The following DNAH6 variants were observed in gnomAD, a reference collection of about 807,000 sequenced individuals.
The protein encoded by DNAH6 is dynein axonemal heavy chain 6, also known as axonemal beta dynein heavy chain 6.
DNAH6 carries 340 observed loss-of-function variants against 491.4 expected under a neutral mutation model. The observed-to-expected ratio is 0.69, with a 90% CI of 0.63 to 0.76. DNAH6 has a LOEUF of 0.76. Ranked by LOEUF, DNAH6 falls within the 30% of genes least tolerant of loss-of-function variation. DNAH6 has a pLI of 0.00. For synonymous variants in DNAH6, 1,603 were observed against 1,686.1 expected, an observed-to-expected ratio of 0.95 and a Z score of 1.21; for missense variants, 4,443 against 4,972.2, an observed-to-expected ratio of 0.89 and a Z score of 3.20.
At position 84,676,989 on chromosome 2, in the gene DNAH6, AT is replaced by A; in HGVS notation, c.6613-13del. 2.6e-6 allele frequency: 4 copies of A among 1,551,612 alleles called. No individual in the cohort carries two copies. The highest frequency in any genetic ancestry group is 3.5e-6 in the Non-Finnish European group (4 of 1,146,876). ...ATTCTCTGCTGAGTGATCCAAGTGG[AT>A]TTCTCTGCACACAGGATGTAACAAT... On this transcript the variant is annotated splice_polypyrimidine_tract_variant and intron_variant, in intron 40 of 76. Coordinates refer to ENST00000389394, the MANE Select transcript of DNAH6 (RefSeq NM_001370.2).
At chr2:84,776,843 C>A (rs1676173646) in intron 64 of DNAH6, among the ~76,000 whole-genome samples, 1 of 152,124 alleles carries the variant, frequency 6.6e-6, no homozygotes, top group Non-Finnish European at 1.5e-5. Context: ...TGGAACCAAC[C>A]CAAATGTCCA....
intron 64 of DNAH6, among the ~76,000 whole-genome samples, chr2:84,778,431 G>A (rs1029497462): frequency 3.3e-5 from 5 of 150,982 alleles, no homozygotes; most frequent in Admixed American, 6.6e-5. Context: ...GTTTGTTCTT[G>A]TTTTTCTAGT....
intron 64 of DNAH6, among the ~76,000 whole-genome samples, chr2:84,770,454 C>T (rs1675498004): frequency 6.6e-6 from 1 of 151,764 alleles, no homozygotes. Flanking sequence ...GAAACATGAA[C>T]AAATAACTAA....
At chr2:84,643,698 T>C (rs556056159) in intron 33 of DNAH6, among the ~76,000 whole-genome samples, 7 of 152,308 alleles carry the variant, frequency 4.6e-5, no homozygotes, top group African/African-American at 1.7e-4. Flanking sequence ...AGTGTGCTGG[T>C]TTTTATAATT....
At chr2:84,667,202 T>A (rs1195907556) in intron 37 of DNAH6, among the ~76,000 whole-genome samples, 4 of 152,118 alleles carry the variant, frequency 2.6e-5, no homozygotes, top group South Asian at 2.1e-4. Context: ...GGACTTCATG[T>A]CTAAAACACC....
chr2:84,688,174 G>T (rs1255647249), intron 44 of DNAH6, among the ~76,000 whole-genome samples: 4 of 151,228 alleles, frequency 2.6e-5, no homozygotes, highest in South Asian at 2.1e-4. Context: ...GGCGAAGGTT[G>T]TGGTGAGCTG....
At chr2:84,689,440 C>T (rs953161192) in intron 45 of DNAH6, among the ~76,000 whole-genome samples, 8 of 152,124 alleles carry the variant, frequency 5.3e-5, no homozygotes, top group African/African-American at 1.7e-4. Context: ...ATCAGACCGC[C>T]GCTGGAGTGC....
intron 29 of DNAH6, among the ~76,000 whole-genome samples, chr2:84,628,044 G>T (rs72922734): frequency 1.3e-5 from 2 of 151,996 alleles, no homozygotes. Context: ...CTAGAACCTC[G>T]CCAAGAAAAC....
chr2:84,574,201 G>A (rs971453337), intron 12 of DNAH6, among the ~76,000 whole-genome samples: 8 of 151,724 alleles, frequency 5.3e-5, no homozygotes, highest in Non-Finnish European at 1.2e-4. Context: ...TATTTCATGA[G>A]CTTCCTTTAT....
At chr2:84,502,783 A>G in the DNAH6 span, among the ~76,000 whole-genome samples, 1 of 152,086 alleles carries the variant, frequency 6.6e-6, no homozygotes, top group African/African-American at 2.4e-5. Flanking sequence ...CAGTCTTGAA[A>G]TCTATTTTGT....
intron 64 of DNAH6, chr2:84,777,940 T>A: frequency 9.8e-7 from 1 of 1,019,010 alleles, no homozygotes; most frequent in Non-Finnish European, 1.6e-6. Flanking sequence ...GACGGCTTTC[T>A]CCCTCTTGCT....
rs1183227972 is a variant in DNAH6 at position 84,580,309 on chromosome 2, TACAC to T, written c.2229+633_2229+636del. Reference sequence around the variant, plus strand: ...TGTTTCTCTCTCTTATACACACACATACACACGCACACACACACACACACACACA... The same window carrying T: ...TGTTTCTCTCTCTTATACACACACATACGCACACACACACACACACACACA... On this transcript the variant is annotated intron_variant, in intron 14 of 76. Coordinates refer to ENST00000389394, the MANE Select transcript of DNAH6 (RefSeq NM_001370.2). Among the ~76,000 whole-genome samples, 83 of 63,196 alleles carry T rather than the reference TACAC, an allele frequency of 1.3e-3. 1 individual carries two copies. The East Asian group carries it at 0.026, about 20-fold the overall frequency. 41.5% of individuals were successfully genotyped at this position (63,196 alleles called of 152,430 possible). A position where few individuals can be genotyped will look rare whatever the true frequency, so the allele number is the denominator to read the frequency against.
At chr2:84,768,646 A>G (rs1675316227) in intron 64 of DNAH6, among the ~76,000 whole-genome samples, 1 of 152,194 alleles carries the variant, frequency 6.6e-6, no homozygotes, top group East Asian at 1.9e-4. Context: ...AGATCTCACC[A>G]CAGAAAAGTA....
Position 84,658,425 on chromosome 2 carries a change from G to A in DNAH6, c.5891G>A (p.Cys1964Tyr), listed in dbSNP as rs775426128. 80 of 1,543,074 alleles carry A rather than the reference G, an allele frequency of 5.2e-5. No individual in the cohort carries two copies. In the Middle Eastern group the frequency reaches 2.0e-3, roughly 39 times the overall value. ...ATCAGCAAAGTTACTACACTCTGTTGCTTATTGGAGTCCTTGATACTTGGG... is the reference window on the plus strand; with the variant it reads ...ATCAGCAAAGTTACTACACTCTGTTACTTATTGGAGTCCTTGATACTTGGG... ...VDISKVTTLC[C>Y]LLESLILGKD... Residue 1964 changes from cysteine (C) to tyrosine (Y), a missense_variant, in exon 36 of 77, where the codon TGC (cysteine) becomes TAC (tyrosine). Cys to Tyr is a radical substitution (Grantham distance 194, BLOSUM62 -2). Transcript: ENST00000389394.
At chr2:84,461,738 A>G in the DNAH6 span, among the ~76,000 whole-genome samples, 1 of 152,218 alleles carries the variant, frequency 6.6e-6, no homozygotes, top group Non-Finnish European at 1.5e-5. Flanking sequence ...TAAAGGTTTT[A>G]ACTAAAGTGA....
At chr2:84,797,093 A>G (rs1418667442) in intron 69 of DNAH6, among the ~76,000 whole-genome samples, 1 of 152,232 alleles carries the variant, frequency 6.6e-6, no homozygotes, top group Non-Finnish European at 1.5e-5. Context: ...ATCACTATAG[A>G]TAGTTGAATA....
chr2:84,684,626 C>T (rs1158703726), intron 42 of DNAH6, among the ~76,000 whole-genome samples: 2 of 152,196 alleles, frequency 1.3e-5, no homozygotes, highest in Non-Finnish European at 2.9e-5. Flanking sequence ...ATGAGCAGTA[C>T]CTACCATGCT....
Position 84,778,273 on chromosome 2 carries a change from G to A in DNAH6, c.10704-3220G>A, listed in dbSNP as rs113692161. On this transcript the variant is annotated intron_variant, in intron 64 of 76. Transcript: ENST00000389394. The stretch of plus-strand genomic sequence containing the variant: ...CAGGAATGCATGTCCGGCGGGCATC[G>A]GTGGCATGTGGCAATGAGATCCGGA... 1.1e-4 allele frequency: 64 copies of A among 571,090 alleles called. 1 individual carries two copies. The highest frequency in any genetic ancestry group is 6.0e-4 in the Admixed American group (24 of 39,864). 35.4% of individuals were successfully genotyped at this position (571,090 alleles called of 1,614,324 possible). A position where few individuals can be genotyped will look rare whatever the true frequency, so the allele number is the denominator to read the frequency against.
chr2:84,595,678 A>C lies in DNAH6; in HGVS notation c.2757A>C (p.Leu919=). The stretch of plus-strand genomic sequence containing the variant: ...TTGATTGCCTGGATCCAGAAGTCCT[A>C]AACGGTCAAGTTTCTAAATATGCTA... ...SKFDCLDPEV[L]NGQVSKYAKF... is the part of the protein sequence containing the mutation. The change falls in exon 18 of 77, where the codon CTA becomes CTC. Residue 919 remains leucine, a synonymous_variant. Coordinates refer to ENST00000389394, the MANE Select transcript of DNAH6 (RefSeq NM_001370.2). 6.4e-7 allele frequency: 1 copy of C among 1,550,788 alleles called. No individual in the cohort carries two copies. Among genetic ancestry groups the C allele is most frequent in the Non-Finnish European group, 8.7e-7 (1 of 1,146,584 alleles).
Sources: gnomAD v4.1 joint callset for allele counts (sites outside exome capture counted in the v4.1 genomes callset) on GRCh38, gnomAD v4.1.1 for gene constraint, MANE v1.5 for transcripts, NCBI Gene and HGNC (gene_info 2026-07-23, HGNC 2026-07-21) for gene names.